CHGA: variants seen among roughly 807,000 people sequenced by gnomAD.
The protein encoded by CHGA is chromogranin A, also known as chromogranin-A.
A neutral mutation model predicts 54.4 loss-of-function variants in CHGA; 41 were observed. The observed-to-expected ratio is 0.75, with a 90% CI of 0.59 to 0.98. CHGA has a LOEUF of 0.98. CHGA is among the 50% of genes least tolerant of loss of function. The pLI, the probability that CHGA is intolerant of heterozygous loss-of-function variation, is 0.00. For missense variants in CHGA, 576 were observed against 582.3 expected, an observed-to-expected ratio of 0.99 and a Z score of 0.11; for synonymous variants, 249 against 232.8, an observed-to-expected ratio of 1.07 and a Z score of -0.63.
At position 92,927,776 on chromosome 14, in the gene CHGA, T is replaced by G. The variant is rs1886916405; in HGVS notation, c.256+158T>G. Among the ~76,000 whole-genome samples, 3 of 152,218 alleles carry G rather than the reference T, an allele frequency of 2.0e-5. No individual in the cohort carries two copies. The South Asian group carries it at 6.2e-4, about 32-fold the overall frequency. On this transcript the variant is annotated intron_variant, in intron 4 of 7. Coordinates refer to ENST00000216492, the MANE Select transcript of CHGA (RefSeq NM_001275.4). The stretch of plus-strand genomic sequence containing the variant: ...CCGCCGTGCCACCTGGCTCAATCTG[T>G]TATTGATATTGTTAAAGAAATCAAG...
At chr14:92,931,728 C>CG in intron 6 of CHGA, 26 bp downstream of exon 6, 1 of 1,536,840 alleles carries the variant, frequency 6.5e-7, no homozygotes, top group South Asian at 1.3e-5. Context: ...AAGACCTCAA[C>CG]GAACGTGTCT....
chr14:92,931,792 C>A, intron 6 of CHGA, 90 bp downstream of exon 6: 1 of 1,286,592 alleles, frequency 7.8e-7, no homozygotes, highest in Non-Finnish European at 1.1e-6. Flanking sequence ...ATTCCACCTT[C>A]ATAACAACCC....
chr14:92,933,821 C>T (rs925824686), intron 7 of CHGA, among the ~76,000 whole-genome samples: 13 of 152,154 alleles, frequency 8.5e-5, no homozygotes, highest in African/African-American at 3.1e-4. Context: ...AGAATGGGGG[C>T]CCAGAGGTGC....
intron 4 of CHGA, 99 bp downstream of exon 4, chr14:92,927,717 A>T: frequency 1.1e-6 from 1 of 938,874 alleles, no homozygotes; most frequent in Non-Finnish European, 1.7e-6. Flanking sequence ...TGGGACTGTC[A>T]TTTCCTTTTA....
chr14:92,923,853 G>GA (rs554702683), intron 1 of CHGA, among the ~76,000 whole-genome samples: 5 of 145,930 alleles, frequency 3.4e-5, no homozygotes, highest in Admixed American at 1.4e-4. Flanking sequence ...CTCTTCCCCC[G>GA]CCCCCCCCAC....
intron 5 of CHGA, among the ~76,000 whole-genome samples, chr14:92,930,102 G>T (rs1566674302): frequency 6.6e-6 from 1 of 152,224 alleles, no homozygotes; most frequent in Non-Finnish European, 1.5e-5. Flanking sequence ...CTCTGGCATG[G>T]CAGGTGGACA....
At chr14:92,933,133 T>G in intron 7 of CHGA, 1 of 361,472 alleles carries the variant, frequency 2.8e-6, no homozygotes, top group Non-Finnish European at 4.9e-6. Context: ...TAGGGTGCCC[T>G]GGAAAAACCA....
intron 3 of CHGA, 81 bp downstream of exon 3, chr14:92,926,779 A>G (rs1886894815): frequency 1.1e-5 from 13 of 1,183,096 alleles, no homozygotes; most frequent in Non-Finnish European, 1.6e-5. Flanking sequence ...TTTTGGTGGA[A>G]TTAATGATTT....
At chr14:92,926,353 T>G in intron 2 of CHGA, 1 of 530,836 alleles carries the variant, frequency 1.9e-6, no homozygotes, top group East Asian at 3.0e-5. Context: ...ATGATCCACC[T>G]TGGAGGGGAA....
intron 4 of CHGA, 81 bp from the exon 5 acceptor site, chr14:92,929,636 G>A: frequency 8.0e-7 from 1 of 1,245,078 alleles, no homozygotes; most frequent in Non-Finnish European, 1.2e-6. Context: ...TTACAGATGG[G>A]GAAATGGAGG....
chr14:92,925,566 G>A (rs1194171494), intron 2 of CHGA, among the ~76,000 whole-genome samples: 1 of 152,150 alleles, frequency 6.6e-6, no homozygotes, highest in Admixed American at 6.5e-5. Flanking sequence ...TGGATCCTTG[G>A]ACCGGTTGCC....
chr14:92,933,696 C>G (rs1300533591), intron 7 of CHGA, among the ~76,000 whole-genome samples: 1 of 152,188 alleles, frequency 6.6e-6, no homozygotes, highest in Non-Finnish European at 1.5e-5. Flanking sequence ...CCGACCCCCT[C>G]TCTGGGCCTG....
At position 92,929,742 on chromosome 14, in the gene CHGA, G is replaced by A. The variant is rs9658651; in HGVS notation, c.282G>A (p.Gln94=). The A allele has an allele frequency of 1.1e-4, 184 of 1,614,004 alleles. No individual in the cohort carries two copies. The East Asian group carries it at 3.7e-3, about 33-fold the overall frequency. ...LQGAKERAHQ[Q]KKHSGFEDEL... The stretch of plus-strand genomic sequence containing the variant: ...GCGCCAAGGAGAGGGCACATCAGCA[G>A]AAGAAACACAGCGGTTTTGAAGATG... Residue 94 remains glutamine, a synonymous_variant, in exon 5 of 8, where the codon CAG becomes CAA. Coordinates refer to ENST00000216492, the MANE Select transcript of CHGA (RefSeq NM_001275.4).
rs1267310048 is a variant in CHGA, at chr14:92,923,369, G to A, written c.10G>A (p.Ala4Thr). The change falls in exon 1 of 8, where the codon GCC (alanine) becomes ACC (threonine). Residue 4 changes from alanine (A) to threonine (T), a missense_variant. Ala to Thr is a moderately conservative substitution (Grantham distance 58). Transcript: ENST00000216492. The part of the protein sequence containing the change: MRS[A>T]AVLALLLCAG... ...GGCGCCCGGGTCCGCCATGCGCTCC[G>A]CCGCTGTCCTGGCTCTTCTGCTCTG... The A allele has an allele frequency of 3.8e-6, 5 of 1,306,782 alleles. No homozygotes were observed. Among genetic ancestry groups the A allele is most frequent in the South Asian group, 2.4e-5 (1 of 42,422 alleles). The allele number at this position is 1,306,782 out of a possible 1,614,324, so 80.9% of individuals were successfully genotyped here. A position where few individuals can be genotyped will look rare whatever the true frequency, so the allele number is the denominator to read the frequency against.
intron 4 of CHGA, 48 bp from the exon 5 acceptor site, chr14:92,929,669 T>C: frequency 6.5e-7 from 1 of 1,548,262 alleles, no homozygotes. Context: ...TAGACAAATA[T>C]GCCACAGCTG....
intron 1 of CHGA, 145 bp from the exon 2 acceptor site, chr14:92,924,054 A>G (rs1886840362): frequency 1.1e-6 from 1 of 924,774 alleles, no homozygotes; most frequent in Admixed American, 2.6e-5. Flanking sequence ...GGGAAGGGAA[A>G]CAAAATCAGC....
rs545000569 is a variant in CHGA at position 92,931,976 on chromosome 14, A to G, written c.808+274A>G. Among the ~76,000 whole-genome samples the G allele has an allele frequency of 7.2e-5, 11 of 152,142 alleles. No homozygotes were observed. The East Asian group carries it at 1.2e-3, about 16-fold the overall frequency. Reference sequence around the variant, plus strand: ...TATTCCACATAGCCTCCCCCCACCAACCCCAGAAGCTAGGGGTGGGTGATG... The same window carrying G: ...TATTCCACATAGCCTCCCCCCACCAGCCCCAGAAGCTAGGGGTGGGTGATG... On this transcript the variant is annotated intron_variant, in intron 6 of 7. Coordinates refer to ENST00000216492, the MANE Select transcript of CHGA (RefSeq NM_001275.4).
intron 6 of CHGA, 30 bp downstream of exon 6, chr14:92,931,732 C>T (rs926608281): frequency 3.3e-6 from 5 of 1,533,942 alleles, no homozygotes; most frequent in African/African-American, 2.7e-5. Context: ...CCTCAACGAA[C>T]GTGTCTGGGA....
rs770661498 is a variant in CHGA at position 92,926,620 on chromosome 14, G to C, written c.109G>C (p.Val37Leu). ...GTGTTCCCAGGTGATGAAATGCATC[G>C]TTGAGGTCATCTCCGACACACTTTC... The part of the protein sequence containing the change: ...KGDTEVMKCI[V>L]EVISDTLSKP... The change falls in exon 3 of 8, where the codon GTT becomes CTT. Residue 37 changes from valine to leucine, a missense_variant. Transcript: ENST00000216492. The C allele has an allele frequency of 6.2e-7, 1 of 1,613,932 alleles. No homozygotes were observed. Among genetic ancestry groups the C allele is most frequent in the Non-Finnish European group, 8.5e-7 (1 of 1,180,012 alleles).
Sources: allele counts gnomAD v4.1 joint callset (sites outside exome capture counted in the v4.1 genomes callset), GRCh38; gene constraint gnomAD v4.1.1; transcripts MANE v1.5; gene names NCBI Gene and HGNC (gene_info 2026-07-23, HGNC 2026-07-21).